The following ELMO1 variants were observed in gnomAD, a reference collection of about 807,000 sequenced individuals.
The protein encoded by ELMO1 is engulfment and cell motility protein 1.
Under a neutral mutation model 98.9 loss-of-function variants are expected in ELMO1, and 26 were observed. That is an observed-to-expected ratio of 0.26 (90% CI 0.19 to 0.36). The LOEUF (loss-of-function observed/expected upper bound fraction) is 0.36. Among genes scored for constraint, ELMO1 ranks in the 10% least tolerant of loss-of-function variants. The probability of loss-of-function intolerance (pLI) is 1.00; values close to 1 mark genes in which losing one functional copy is unlikely to be tolerated. For synonymous variants in ELMO1, 346 were observed against 346.0 expected (o/e 1.00, Z 0.00); for missense variants, 627 against 935.2 (o/e 0.67, Z 4.30).
intron 15 of ELMO1, among the ~76,000 whole-genome samples, chr7:37,050,739 A>C (rs753326077): frequency 6.6e-6 from 1 of 151,268 alleles, no homozygotes; most frequent in Non-Finnish European, 1.5e-5. Flanking sequence ...TCAAAACATC[A>C]TGTGGTACAC....
At chr7:36,887,999 G>T (rs1805187557) in intron 17 of ELMO1, among the ~76,000 whole-genome samples, 1 of 152,154 alleles carries the variant, frequency 6.6e-6, no homozygotes, top group Non-Finnish European at 1.5e-5. Flanking sequence ...AATCCATTCA[G>T]CACTGCTAAG....
intron 13 of ELMO1, among the ~76,000 whole-genome samples, chr7:37,148,054 T>C (rs991432443): frequency 2.0e-5 from 3 of 152,150 alleles, no homozygotes; most frequent in African/African-American, 4.8e-5. Context: ...GGGCTGGCTG[T>C]ATACAGCAGA....
intron 1 of ELMO1, among the ~76,000 whole-genome samples, chr7:37,444,962 C>T (rs1473919211): frequency 6.6e-6 from 1 of 152,200 alleles, no homozygotes; most frequent in African/African-American, 2.4e-5. Flanking sequence ...TCTAGAACGT[C>T]GTCATCAGAA....
At chr7:36,954,038 G>T (rs1029092187) in intron 16 of ELMO1, among the ~76,000 whole-genome samples, 1 of 152,122 alleles carries the variant, frequency 6.6e-6, no homozygotes, top group Non-Finnish European at 1.5e-5. Flanking sequence ...CTACAACTTG[G>T]ACCCTTGCTC....
chr7:37,400,600 A>G (rs1047178339), intron 1 of ELMO1, among the ~76,000 whole-genome samples: 2 of 152,218 alleles, frequency 1.3e-5, no homozygotes, highest in East Asian at 1.9e-4. Context: ...AATTTCACAT[A>G]AACATGTGAG....
intron 2 of ELMO1, among the ~76,000 whole-genome samples, chr7:37,320,184 G>C (rs1004026833): frequency 1.2e-4 from 18 of 152,114 alleles, no homozygotes; most frequent in African/African-American, 4.1e-4. Flanking sequence ...GCCTGAGGCA[G>C]GAGAATTACT....
chr7:36,959,597 T>C (rs866056607), intron 16 of ELMO1, among the ~76,000 whole-genome samples: 10 of 152,216 alleles, frequency 6.6e-5, no homozygotes, highest in African/African-American at 2.4e-4. Flanking sequence ...GAAGTTCCCT[T>C]GTCTGACTGA....
At chr7:36,952,590 G>A (rs1213501237) in intron 16 of ELMO1, among the ~76,000 whole-genome samples, 3 of 152,074 alleles carry the variant, frequency 2.0e-5, no homozygotes, top group Non-Finnish European at 4.4e-5. Flanking sequence ...GAAAGGGACG[G>A]GATACATTCA....
chr7:37,051,021 A>G (rs144075325), intron 15 of ELMO1, among the ~76,000 whole-genome samples: 109 of 152,348 alleles, frequency 7.2e-4, no homozygotes, highest in African/African-American at 2.4e-3. Context: ...GGTATTTCCC[A>G]TAAGAATTCT....
At chr7:37,378,756 T>C (rs1802468306) in intron 1 of ELMO1, among the ~76,000 whole-genome samples, 1 of 152,206 alleles carries the variant, frequency 6.6e-6, no homozygotes, top group Admixed American at 6.5e-5. Context: ...CTGATCTTTT[T>C]TTTTTATCTT....
chr7:36,879,704 T>C (rs1322913328), intron 18 of ELMO1, among the ~76,000 whole-genome samples: 1 of 152,192 alleles, frequency 6.6e-6, no homozygotes, highest in South Asian at 2.1e-4. Context: ...CGGCAATCCA[T>C]AGATTTAAAG....
intron 1 of ELMO1, among the ~76,000 whole-genome samples, chr7:37,360,592 T>C (rs1297771669): frequency 2.0e-5 from 3 of 152,210 alleles, no homozygotes; most frequent in Admixed American, 6.5e-5. Context: ...GTCCTCGGTA[T>C]ACCCAGGAAG....
intron 16 of ELMO1, among the ~76,000 whole-genome samples, chr7:36,989,197 GT>G (rs1312325901): frequency 1.3e-5 from 2 of 152,090 alleles, no homozygotes; most frequent in African/African-American, 2.4e-5. Flanking sequence ...TCTGTGAGAT[GT>G]TATTACACTA....
At chr7:36,875,917 G>A (rs1803923595) in intron 19 of ELMO1, among the ~76,000 whole-genome samples, 1 of 152,182 alleles carries the variant, frequency 6.6e-6, no homozygotes, top group South Asian at 2.1e-4. Flanking sequence ...GGGTTGAGAA[G>A]TGATTACATC....
intron 4 of ELMO1, among the ~76,000 whole-genome samples, chr7:37,310,059 G>C (rs1301056701): frequency 6.6e-6 from 1 of 152,146 alleles, no homozygotes; most frequent in Non-Finnish European, 1.5e-5. Context: ...GAGAACCCAG[G>C]GCACTTAGGA....
chr7:37,398,353 A>G (rs12671707), intron 1 of ELMO1, among the ~76,000 whole-genome samples: 15,247 of 152,112 alleles, frequency 0.1, 1,284 homozygotes, highest in East Asian at 0.31. Context: ...CAAAAACCCA[A>G]TCTATATATT....
intron 1 of ELMO1, among the ~76,000 whole-genome samples, chr7:37,427,378 C>A (rs901011117): frequency 1.3e-5 from 2 of 152,240 alleles, no homozygotes; most frequent in Non-Finnish European, 1.5e-5. Flanking sequence ...TGCTTTAGAA[C>A]TCTTGCAGCT....
chr7:37,249,993 T>A (rs1795250292), intron 6 of ELMO1, among the ~76,000 whole-genome samples: 1 of 152,090 alleles, frequency 6.6e-6, no homozygotes, highest in Admixed American at 6.6e-5. Flanking sequence ...GCAGGAGGAC[T>A]GCTTAAGCCC....
intron 1 of ELMO1, among the ~76,000 whole-genome samples, chr7:37,423,513 G>A (rs1329826601): frequency 6.6e-6 from 1 of 152,212 alleles, no homozygotes; most frequent in African/African-American, 2.4e-5. Context: ...CCGGGAGGCG[G>A]AGGTTGCAGT....
Sources: allele counts gnomAD v4.1 joint callset (sites outside exome capture counted in the v4.1 genomes callset), GRCh38; gene constraint gnomAD v4.1.1; transcripts MANE v1.5; gene names NCBI Gene and HGNC (gene_info 2026-07-23, HGNC 2026-07-21).